Variants in RBFOX2 observed in about 807,000 individuals in gnomAD.
The protein encoded by RBFOX2 is RNA binding fox-1 homolog 2, also known as RNA binding protein fox-1 homolog 2.
A neutral mutation model predicts 49.1 loss-of-function variants in RBFOX2; 10 were observed. The ratio of observed to expected loss-of-function variants is 0.20; its 90% CI spans 0.13 to 0.35. The LOEUF is 0.35. Ranked by LOEUF, RBFOX2 falls within the 10% of genes least tolerant of loss-of-function variation. The pLI, the probability that RBFOX2 is intolerant of heterozygous loss-of-function variation, is 1.00. For missense variants in RBFOX2, 323 were observed against 486.9 expected, an observed-to-expected ratio of 0.66 and a Z score of 3.17; for synonymous variants, 183 against 187.4, an observed-to-expected ratio of 0.98 and a Z score of 0.19.
At chr22:35,828,693 C>T (rs1455512130) in intron 1 of RBFOX2, among the ~76,000 whole-genome samples, 2 of 152,178 alleles carry the variant, frequency 1.3e-5, no homozygotes, top group Non-Finnish European at 2.9e-5. Context: ...AGTCTTGCCT[C>T]AGTGGCCAGG....
chr22:35,884,795 C>T (rs2046360776), intron 1 of RBFOX2, among the ~76,000 whole-genome samples: 1 of 152,160 alleles, frequency 6.6e-6, no homozygotes, highest in African/African-American at 2.4e-5. Context: ...TAGATGCTGC[C>T]TATCACAGAC....
chr22:35,942,452 G>C (rs556237613), upstream of RBFOX2, among the ~76,000 whole-genome samples: 1 of 152,058 alleles, frequency 6.6e-6, no homozygotes, highest in South Asian at 2.1e-4. Flanking sequence ...AAACAGTGTT[G>C]TTTGCCTTAG....
chr22:35,817,557 G>C (rs1351642184), intron 1 of RBFOX2, among the ~76,000 whole-genome samples: 2 of 152,098 alleles, frequency 1.3e-5, no homozygotes, highest in African/African-American at 2.4e-5. Flanking sequence ...GGCTATAAAT[G>C]TAAGTTTCCT....
intron 1 of RBFOX2, among the ~76,000 whole-genome samples, chr22:35,822,444 T>G (rs1281192930): frequency 6.6e-6 from 1 of 152,228 alleles, no homozygotes; most frequent in South Asian, 2.1e-4. Flanking sequence ...GGTTTTCTTT[T>G]TGTTTTTTCT....
chr22:35,821,831 T>A, intron 1 of RBFOX2: 1 of 518,874 alleles, frequency 1.9e-6, no homozygotes, highest in East Asian at 5.5e-5. Context: ...CCTCCTCTCC[T>A]GAGGCCGCTG....
At chr22:35,983,382 G>A (rs2057552421) in intron 1 of RBFOX2, among the ~76,000 whole-genome samples, 1 of 152,096 alleles carries the variant, frequency 6.6e-6, no homozygotes, top group East Asian at 1.9e-4. Flanking sequence ...AAGTAAGACA[G>A]GAAAGGGATA....
At chr22:35,802,476 G>T (rs901215490) in intron 2 of RBFOX2, among the ~76,000 whole-genome samples, 4 of 152,160 alleles carry the variant, frequency 2.6e-5, no homozygotes, top group Non-Finnish European at 5.9e-5. Flanking sequence ...CTGAGAAATT[G>T]CTTAAACTTA....
At chr22:35,862,930 GTCA>G (rs1246113955) in intron 1 of RBFOX2, among the ~76,000 whole-genome samples, 5 of 152,196 alleles carry the variant, frequency 3.3e-5, no homozygotes, top group South Asian at 2.1e-4. Context: ...TGCTGTCGTC[GTCA>G]TCATCATTAT....
intron 3 of RBFOX2, among the ~76,000 whole-genome samples, chr22:35,781,149 A>G (rs1945078265): frequency 6.6e-6 from 1 of 152,246 alleles, no homozygotes; most frequent in Non-Finnish European, 1.5e-5. Context: ...TCACAACCCT[A>G]GAATGTCAGG....
At chr22:35,879,282 T>C (rs2045566100) in intron 1 of RBFOX2, among the ~76,000 whole-genome samples, 1 of 152,156 alleles carries the variant, frequency 6.6e-6, no homozygotes, top group African/African-American at 2.4e-5. Flanking sequence ...GGAGAAATAA[T>C]TCGTACTGGA....
At chr22:36,024,578 T>C (rs924945061) in intron 1 of RBFOX2, among the ~76,000 whole-genome samples, 4 of 151,772 alleles carry the variant, frequency 2.6e-5, no homozygotes, top group Admixed American at 2.0e-4. Flanking sequence ...TCATCTCTAC[T>C]ATAAATACAA....
At chr22:36,023,364 G>A (rs1162010163) in intron 1 of RBFOX2, among the ~76,000 whole-genome samples, 3 of 152,192 alleles carry the variant, frequency 2.0e-5, no homozygotes, top group Non-Finnish European at 4.4e-5. Flanking sequence ...ACTCTATGGT[G>A]AGAAGCGGTT....
intron 1 of RBFOX2, chr22:35,898,400 G>T (rs187854536): frequency 6.4e-6 from 3 of 471,544 alleles, no homozygotes; most frequent in South Asian, 2.5e-5. Flanking sequence ...TGCAGCGGCC[G>T]CCATCTTCTC....
rs564700520 is a variant in RBFOX2, at chr22:35,827,391, A to C, written c.27+12801T>G. ...CCACAAATCACACCAAACTATAAAA[A>C]CATGGAAACTCTGTTTTTCCTGTGT... is the stretch of plus-strand genomic sequence containing the variant. On this transcript the variant is annotated intron_variant, in intron 1 of 11. Transcript: ENST00000405409. 1.5e-3 allele frequency among the ~76,000 whole-genome samples: 222 copies of C among 152,334 alleles called. 7 individuals are homozygous for C. In the South Asian group the frequency reaches 0.045, roughly 31 times the overall value.
chr22:36,008,459 A>T (rs187950484), intron 1 of RBFOX2, among the ~76,000 whole-genome samples: 4 of 152,334 alleles, frequency 2.6e-5, no homozygotes, highest in Admixed American at 2.6e-4. Flanking sequence ...AGGAAGAGAG[A>T]TTAGGAAGAA....
intron 1 of RBFOX2, among the ~76,000 whole-genome samples, chr22:35,903,970 T>C (rs2048860129): frequency 6.6e-6 from 1 of 152,136 alleles, no homozygotes; most frequent in African/African-American, 2.4e-5. Flanking sequence ...CTTATGATGG[T>C]CTTTAAGGTC....
chr22:35,927,604 CAAAAA>C (rs361700), intron 1 of RBFOX2, among the ~76,000 whole-genome samples: 1 of 49,184 alleles, frequency 2.0e-5, no homozygotes, highest in Non-Finnish European at 4.0e-5. Flanking sequence ...AACTCCGTCT[CAAAAA>C]AAAAAAAAAA....
At chr22:35,869,308 C>A (rs1037118813) in intron 1 of RBFOX2, among the ~76,000 whole-genome samples, 1 of 152,018 alleles carries the variant, frequency 6.6e-6, no homozygotes, top group South Asian at 2.1e-4. Flanking sequence ...CAGGCACCCA[C>A]CGCCACGCCT....
intron 1 of RBFOX2, among the ~76,000 whole-genome samples, chr22:35,854,426 G>A (rs900134920): frequency 3.3e-5 from 5 of 151,566 alleles, no homozygotes; most frequent in Non-Finnish European, 5.9e-5. Flanking sequence ...CTATAGCCCC[G>A]CCCCAAAAAA....
Sources: allele counts gnomAD v4.1 joint callset (sites outside exome capture counted in the v4.1 genomes callset), GRCh38; gene constraint gnomAD v4.1.1; transcripts MANE v1.5; gene names NCBI Gene and HGNC (gene_info 2026-07-23, HGNC 2026-07-21).